LAMP1: variants seen among roughly 807,000 people sequenced by gnomAD.
LAMP1 encodes the protein lysosome-associated membrane glycoprotein 1.
A neutral mutation model predicts 37.5 loss-of-function variants in LAMP1; 7 were observed. The ratio of observed to expected loss-of-function variants is 0.19; its 90% confidence interval spans 0.11 to 0.35. LAMP1 has a LOEUF of 0.35. Among genes scored for constraint, LAMP1 ranks in the 10% least tolerant of loss-of-function variants. LAMP1 has a pLI of 1.00. For synonymous variants in LAMP1, 236 were observed against 229.1 expected, an observed-to-expected ratio of 1.03 and a Z score of -0.27; for missense variants, 537 against 552.8, an observed-to-expected ratio of 0.97 and a Z score of 0.29.
chr13:113,317,397 G>A (rs1315720790), intron 4 of LAMP1, among the ~76,000 whole-genome samples: 1 of 152,186 alleles, frequency 6.6e-6, no homozygotes, highest in Non-Finnish European at 1.5e-5. Context: ...GAAGGACGAG[G>A]GCATTTTATC....
rs1338400093 is a variant in LAMP1, at chr13:113,297,304, C to T, written c.-131C>T. On this transcript the variant is annotated 5_prime_UTR_variant, in exon 1 of 9. Coordinates refer to ENST00000332556, the MANE Select transcript of LAMP1 (RefSeq NM_005561.4). This position sits in a 1 kb window ranked among gnomAD's most constrained non-coding sequence, Gnocchi z 4.4. ...GGCGTCGCAGTGGCCGGGCCTCTTG[C>T]GTCTGGTAACGCCGCTGTCTCTAAC... The T allele has an allele frequency of 6.7e-5, 12 of 179,394 alleles. No homozygotes were observed. Among genetic ancestry groups the T allele is most frequent in the Non-Finnish European group, 1.0e-4 (9 of 86,822 alleles). 11.1% of individuals were successfully genotyped at this position (179,394 alleles called of 1,614,324 possible).
chr13:113,299,423 C>G (rs1207315719), intron 1 of LAMP1, among the ~76,000 whole-genome samples: 3 of 151,802 alleles, frequency 2.0e-5, no homozygotes, highest in African/African-American at 7.3e-5. Context: ...CGCCACTATG[C>G]TAGGCTAATT....
Position 113,297,428 on chromosome 13 carries a change from T to A in LAMP1, c.-7T>A. ...GCTCCCCGCACCGTACCCGGCCGCCTCGCGCCATGGCGGCCCCCGGCAGCG... is the reference window on the plus strand; with the variant it reads ...GCTCCCCGCACCGTACCCGGCCGCCACGCGCCATGGCGGCCCCCGGCAGCG... On this transcript the variant is annotated 5_prime_UTR_variant, in exon 1 of 9. Coordinates refer to ENST00000332556, the MANE Select transcript of LAMP1 (RefSeq NM_005561.4). The surrounding 1 kb of genome is among the most constrained non-coding windows in gnomAD (Gnocchi z 4.4). 1.1e-6 allele frequency: 1 copy of A among 950,676 alleles called. No individual in the cohort carries two copies. The allele number at this position is 950,676 out of a possible 1,614,324, so 58.9% of individuals were successfully genotyped here.
intron 3 of LAMP1, among the ~76,000 whole-genome samples, 184 bp downstream of exon 3, chr13:113,310,046 T>G (rs1178560997): frequency 2.6e-5 from 4 of 151,874 alleles, no homozygotes; most frequent in African/African-American, 9.7e-5. Flanking sequence ...CTGGCCAACA[T>G]TGCGAAACAC....
At chr13:113,317,295 C>T (rs966007737) in intron 4 of LAMP1, among the ~76,000 whole-genome samples, 2 of 152,170 alleles carry the variant, frequency 1.3e-5, no homozygotes, top group Non-Finnish European at 2.9e-5. Flanking sequence ...ATGAGCTCTC[C>T]GTCACTGTCC....
In LAMP1 at chr13:113,319,495, T is replaced by C; in HGVS notation, c.589T>C (p.Ser197Pro). 1 of 1,613,382 alleles carries C rather than the reference T, an allele frequency of 6.2e-7. No homozygotes were observed. The highest frequency in any genetic ancestry group is 8.5e-7 in the Non-Finnish European group (1 of 1,179,714). The part of the protein sequence containing the change: ...GETRCEQDRP[S>P]PTTAPPAPPS... ...GACACGCTGTGAACAAGACAGGCCTTCCCCAACCACAGCGCCCCCTGCGCC... is the reference window on the plus strand; with the variant it reads ...GACACGCTGTGAACAAGACAGGCCTCCCCCAACCACAGCGCCCCCTGCGCC... The change falls in exon 5 of 9, where the codon TCC becomes CCC. Residue 197 changes from serine (S) to proline (P), a missense_variant. By Grantham distance (74) the Ser-to-Pro change is moderately conservative. Transcript: ENST00000332556.
rs1401193334 is a variant in LAMP1 at position 113,321,621 on chromosome 13, C to T, written c.1008C>T (p.Tyr336=). Residue 336 remains tyrosine, a synonymous_variant, in exon 8 of 9, where the codon TAC becomes TAT. Transcript: ENST00000332556. This position sits in a 1 kb window ranked among gnomAD's most constrained non-coding sequence, Gnocchi z 5.6. ...RALQATVGNS[Y]KCNAEEHVRV... The stretch of plus-strand genomic sequence containing the variant: ...TGCAGGCCACAGTCGGCAATTCCTA[C>T]AAGTGCAACGCGGAGGAGCACGTCC... The T allele has an allele frequency of 6.2e-7, 1 of 1,614,224 alleles. No homozygotes were observed. The highest frequency in any genetic ancestry group is 2.2e-5 in the East Asian group (1 of 44,876).
intron 4 of LAMP1, among the ~76,000 whole-genome samples, chr13:113,317,415 A>G (rs2042672019): frequency 6.6e-6 from 1 of 152,142 alleles, no homozygotes; most frequent in Admixed American, 6.5e-5. Context: ...ATCCACACTT[A>G]TTTCTCAAGT....
chr13:113,319,384 GT>G (rs1292134253), intron 4 of LAMP1, 84 bp from the exon 5 acceptor site: 31 of 1,261,452 alleles, frequency 2.5e-5, no homozygotes, highest in Non-Finnish European at 3.4e-5. Context: ...CACAGATGTA[GT>G]TTTGTTTCTG....
chr13:113,316,623 G>A (rs1035729575), intron 4 of LAMP1, among the ~76,000 whole-genome samples: 9 of 151,920 alleles, frequency 5.9e-5, no homozygotes, highest in East Asian at 1.9e-4. Flanking sequence ...GGGTTTCACC[G>A]TGTTAACCAG....
At chr13:113,299,555 A>C (rs1238734060) in intron 1 of LAMP1, among the ~76,000 whole-genome samples, 5 of 141,002 alleles carry the variant, frequency 3.5e-5, no homozygotes, top group Non-Finnish European at 6.1e-5. Context: ...GAGCCACCGT[A>C]CTTGGCCCAA....
chr13:113,304,031 C>G (rs1227118144), intron 1 of LAMP1, among the ~76,000 whole-genome samples: 2 of 152,028 alleles, frequency 1.3e-5, no homozygotes, highest in African/African-American at 2.4e-5. Flanking sequence ...GGCTACTGCA[C>G]TCCAGCCTGG....
intron 8 of LAMP1, 42 bp from the exon 9 acceptor site, chr13:113,322,240 C>A: frequency 6.3e-7 from 1 of 1,577,476 alleles, no homozygotes. Context: ...TTGCAGGCCC[C>A]TGTGTGAGCA....
At chr13:113,315,445 G>C (rs1160299338) in intron 4 of LAMP1, among the ~76,000 whole-genome samples, 2 of 144,602 alleles carry the variant, frequency 1.4e-5, no homozygotes, top group African/African-American at 2.5e-5. Flanking sequence ...GCTGGAGTGC[G>C]GTGGTGCCAT....
Position 113,321,111 on chromosome 13 carries a change from T to G in LAMP1, c.877-293T>G, listed in dbSNP as rs1162614731. The G allele has an allele frequency of 2.2e-5, 8 of 371,170 alleles. No individual in the cohort carries two copies. The highest frequency in any genetic ancestry group is 3.6e-5 in the Non-Finnish European group (7 of 196,528). 23.0% of individuals were successfully genotyped at this position (371,170 alleles called of 1,614,324 possible). On this transcript the variant is annotated intron_variant, in intron 6 of 8. Coordinates refer to ENST00000332556, the MANE Select transcript of LAMP1 (RefSeq NM_005561.4). The surrounding 1 kb of genome is among the most constrained non-coding windows in gnomAD (Gnocchi z 5.6). The stretch of plus-strand genomic sequence containing the variant: ...TGGGAGGATCACTTGAGCCCAGGAG[T>G]TAAGGTTGCGATGAGCCGTGATCAC...
intron 2 of LAMP1, among the ~76,000 whole-genome samples, chr13:113,308,583 C>T (rs1212973011): frequency 2.0e-5 from 3 of 152,052 alleles, no homozygotes; most frequent in African/African-American, 7.3e-5. Context: ...CGTCGGCCTC[C>T]CCAAGTGCTG....
chr13:113,303,702 C>T (rs2042585150), intron 1 of LAMP1, among the ~76,000 whole-genome samples: 1 of 152,184 alleles, frequency 6.6e-6, no homozygotes, highest in Admixed American at 6.5e-5. Context: ...TCCTGGGTCT[C>T]TCCAGAGTAA....
intron 4 of LAMP1, among the ~76,000 whole-genome samples, chr13:113,313,494 G>T (rs542306148): frequency 5.6e-4 from 86 of 152,346 alleles, no homozygotes; most frequent in African/African-American, 2.0e-3. Flanking sequence ...CTGGCCACTT[G>T]CCCCTCCTGG....
At chr13:113,301,164 A>G (rs1445556354) in intron 1 of LAMP1, among the ~76,000 whole-genome samples, 3 of 151,962 alleles carry the variant, frequency 2.0e-5, no homozygotes, top group African/African-American at 4.8e-5. Context: ...TCAACCAAAC[A>G]TATGCACGGA....
Sources: allele counts gnomAD v4.1 joint callset (sites outside exome capture counted in the v4.1 genomes callset), GRCh38; gene constraint gnomAD v4.1.1; non-coding constraint Gnocchi (gnomAD v3.1); transcripts MANE v1.5; gene names NCBI Gene and HGNC (gene_info 2026-07-23, HGNC 2026-07-21).